Variants in FARS2 observed in about 807,000 individuals in gnomAD.
The protein encoded by FARS2 is phenylalanine--tRNA ligase, mitochondrial.
In FARS2, 40 loss-of-function variants were observed where a neutral mutation model predicts 46.4. The ratio of observed to expected loss-of-function variants is 0.86; its 90% CI spans 0.67 to 1.12. The LOEUF is 1.12. Among genes scored for constraint, FARS2 ranks in the 50% most tolerant of loss-of-function variants. The pLI, the probability that FARS2 is intolerant of heterozygous loss-of-function variation, is 0.00. For synonymous variants in FARS2, 234 were observed against 214.9 expected, an observed-to-expected ratio of 1.09 and a Z score of -0.78; for missense variants, 513 against 567.9, an observed-to-expected ratio of 0.90 and a Z score of 0.98.
intron 1 of FARS2, among the ~76,000 whole-genome samples, chr6:5,285,256 A>G (rs1767025512): frequency 1.3e-5 from 2 of 152,154 alleles, no homozygotes; most frequent in Admixed American, 1.3e-4. Flanking sequence ...CAAAGGGAGC[A>G]GTGTCCAGGA....
rs1343111827 is a variant in FARS2 at position 5,353,735 on chromosome 6, T to G, written c.-21-14815T>G. Among the ~76,000 whole-genome samples the G allele has an allele frequency of 1.5e-3, 216 of 145,320 alleles. 1 individual carries two copies. The highest frequency in any genetic ancestry group is 5.3e-3 in the African/African-American group (211 of 39,686). On this transcript the variant is annotated intron_variant, in intron 1 of 6. Transcript: ENST00000274680. ...AATTGTAATATTTGGTGTTTTTTTT[T>G]TTTTTTTTTTTTTGCTATTGAGTTG...
At chr6:5,282,727 C>A (rs1766827140) in intron 1 of FARS2, among the ~76,000 whole-genome samples, 1 of 152,180 alleles carries the variant, frequency 6.6e-6, no homozygotes. Flanking sequence ...TGCCTAGCGT[C>A]AATCAGAGAA....
chr6:5,481,959 A>G (rs1766487442), intron 4 of FARS2, among the ~76,000 whole-genome samples: 1 of 152,154 alleles, frequency 6.6e-6, no homozygotes, highest in Admixed American at 6.5e-5. Flanking sequence ...CCTTCTCAGC[A>G]TGAATCGGTT....
At chr6:5,371,614 T>C (rs973670044) in intron 2 of FARS2, among the ~76,000 whole-genome samples, 1 of 152,112 alleles carries the variant, frequency 6.6e-6, no homozygotes, top group Non-Finnish European at 1.5e-5. Flanking sequence ...AATCAATAGA[T>C]ATTGAAAGTC....
chr6:5,413,310 G>A (rs1025889027), intron 3 of FARS2, among the ~76,000 whole-genome samples: 4 of 152,114 alleles, frequency 2.6e-5, no homozygotes, highest in African/African-American at 9.7e-5. Context: ...GGGGTTTTAT[G>A]TTAATTAAAA....
chr6:5,595,948 T>C (rs1205086620), intron 5 of FARS2, among the ~76,000 whole-genome samples: 2 of 152,148 alleles, frequency 1.3e-5, no homozygotes, highest in Admixed American at 1.3e-4. Flanking sequence ...GAAGATGAGA[T>C]AAAGTAACAG....
chr6:5,622,208 C>T lies in FARS2; in HGVS notation c.1217+8888C>T, dbSNP rs376482258. 3.3e-5 allele frequency among the ~76,000 whole-genome samples: 5 copies of T among 152,336 alleles called. No individual in the cohort carries two copies. The South Asian group carries it at 6.2e-4, about 19-fold the overall frequency. On this transcript the variant is annotated intron_variant, in intron 6 of 6. Coordinates refer to ENST00000274680, the MANE Select transcript of FARS2 (RefSeq NM_006567.5). The stretch of plus-strand genomic sequence containing the variant: ...CCTACTCGCCAGAGCAGGAAGCCCT[C>T]GGCAGAGCAATTTCAACCTGGAGGG...
intron 6 of FARS2, among the ~76,000 whole-genome samples, chr6:5,748,067 C>G (rs984938074): frequency 9.2e-5 from 14 of 152,104 alleles, no homozygotes; most frequent in Admixed American, 8.5e-4. Flanking sequence ...CAGTTCAACC[C>G]ACATCCCAAG....
At chr6:5,493,989 A>C (rs187195122) in intron 4 of FARS2, among the ~76,000 whole-genome samples, 7 of 152,304 alleles carry the variant, frequency 4.6e-5, no homozygotes, top group Admixed American at 1.3e-4. Flanking sequence ...AATGACAGTG[A>C]GTGCCAGCGC....
At chr6:5,482,018 C>T (rs1168603577) in intron 4 of FARS2, among the ~76,000 whole-genome samples, 3 of 152,108 alleles carry the variant, frequency 2.0e-5, no homozygotes, top group African/African-American at 7.2e-5. Context: ...GGGACTGGGT[C>T]TCATGAAACG....
At chr6:5,525,448 T>A (rs1203319347) in intron 4 of FARS2, among the ~76,000 whole-genome samples, 1 of 152,168 alleles carries the variant, frequency 6.6e-6, no homozygotes. Context: ...TTGTAAGTAG[T>A]TGCACACAGC....
At chr6:5,341,657 T>TAAAG (rs1234519030) in intron 1 of FARS2, among the ~76,000 whole-genome samples, 1 of 151,900 alleles carries the variant, frequency 6.6e-6, no homozygotes, top group Non-Finnish European at 1.5e-5. Flanking sequence ...TAGCTAGGAA[T>TAAAG]AAAGGTTCCC....
intron 4 of FARS2, among the ~76,000 whole-genome samples, chr6:5,517,796 C>T (rs1768901084): frequency 6.6e-6 from 1 of 151,872 alleles, no homozygotes; most frequent in Non-Finnish European, 1.5e-5. Flanking sequence ...ATCAACTTTG[C>T]CTGTTTCTTT....
At chr6:5,286,783 T>C (rs1053950426) in intron 1 of FARS2, among the ~76,000 whole-genome samples, 1 of 152,264 alleles carries the variant, frequency 6.6e-6, no homozygotes, top group Non-Finnish European at 1.5e-5. Flanking sequence ...TTATTATGTA[T>C]GTAACACATA....
chr6:5,260,663 C>G, upstream of FARS2: 1 of 1,525,214 alleles, frequency 6.6e-7, no homozygotes, highest in Non-Finnish European at 8.8e-7. Flanking sequence ...ATTGTAGGCG[C>G]TGAAACGCTT....
intron 6 of FARS2, among the ~76,000 whole-genome samples, chr6:5,770,884 A>G (rs1445074391): frequency 1.3e-5 from 2 of 152,216 alleles, no homozygotes; most frequent in Admixed American, 6.5e-5. Flanking sequence ...GTTACCTTCC[A>G]TGACATGAAG....
chr6:5,270,080 T>G (rs1765837985), intron 1 of FARS2, among the ~76,000 whole-genome samples: 1 of 152,206 alleles, frequency 6.6e-6, no homozygotes, highest in African/African-American at 2.4e-5. Context: ...TTTCAGTTAA[T>G]GAAGATGAGT....
At chr6:5,405,011 C>G (rs556482387) in intron 3 of FARS2, among the ~76,000 whole-genome samples, 7 of 152,058 alleles carry the variant, frequency 4.6e-5, no homozygotes, top group Admixed American at 3.9e-4. Flanking sequence ...GTTGGCCAAG[C>G]TATTCTCAAA....
chr6:5,260,709 C>T (rs1335099575), upstream of FARS2: 15 of 1,549,690 alleles, frequency 9.7e-6, no homozygotes, highest in East Asian at 2.4e-5. Flanking sequence ...AGAGATAACA[C>T]TTGTGCGCGA....
Sources: gnomAD v4.1 joint callset for allele counts (sites outside exome capture counted in the v4.1 genomes callset) on GRCh38, gnomAD v4.1.1 for gene constraint, MANE v1.5 for transcripts, NCBI Gene and HGNC (gene_info 2026-07-23, HGNC 2026-07-21) for gene names.